DDX1: variants seen among roughly 807,000 people sequenced by gnomAD.
DDX1 encodes the protein ATP-dependent RNA helicase DDX1.
DDX1 carries 28 observed loss-of-function variants against 108.7 expected under a neutral mutation model. The ratio of observed to expected loss-of-function variants is 0.26; its 90% CI spans 0.19 to 0.35. The LOEUF (loss-of-function observed/expected upper bound fraction) is 0.35. Ranked by LOEUF, DDX1 falls within the 10% of genes least tolerant of loss-of-function variation. The probability of loss-of-function intolerance (pLI) is 1.00; values close to 1 mark genes in which losing one functional copy is unlikely to be tolerated. For synonymous variants in DDX1, 295 were observed against 288.9 expected, an observed-to-expected ratio of 1.02 and a Z score of -0.21; for missense variants, 710 against 884.5, an observed-to-expected ratio of 0.80 and a Z score of 2.50.
intron 25 of DDX1, 51 bp from the exon 26 acceptor site, chr2:15,630,725 G>A (rs1297866934): frequency 1.3e-6 from 2 of 1,577,776 alleles, no homozygotes; most frequent in Admixed American, 1.7e-5. Flanking sequence ...TTGCTGACAA[G>A]TTATTTCAAG....
intron 15 of DDX1, 105 bp from the exon 16 acceptor site, chr2:15,618,076 C>A: frequency 1.7e-6 from 1 of 595,920 alleles, no homozygotes; most frequent in South Asian, 3.0e-5. Context: ...AATTAGTTTC[C>A]TTATATTTTG....
intron 16 of DDX1, among the ~76,000 whole-genome samples, chr2:15,619,231 G>T (rs1414420853): frequency 6.6e-6 from 1 of 152,226 alleles, no homozygotes; most frequent in Non-Finnish European, 1.5e-5. Context: ...GGCTCCCAGG[G>T]CAGTGGGCTC....
chr2:15,612,160 T>C (rs113087008), intron 13 of DDX1, among the ~76,000 whole-genome samples: 8 of 136,432 alleles, frequency 5.9e-5, no homozygotes, highest in South Asian at 5.2e-4. Flanking sequence ...ACCTCCCTCC[T>C]GGACGGGGCG....
chr2:15,612,770 C>A (rs1046032998), intron 13 of DDX1, among the ~76,000 whole-genome samples: 12 of 152,328 alleles, frequency 7.9e-5, no homozygotes, highest in African/African-American at 2.6e-4. Flanking sequence ...CTCGGGAGGC[C>A]GAGGCTGGCG....
chr2:15,602,358 G>A (rs1487577629), intron 6 of DDX1, among the ~76,000 whole-genome samples, 190 bp from the exon 7 acceptor site: 1 of 152,176 alleles, frequency 6.6e-6, no homozygotes, highest in Non-Finnish European at 1.5e-5. Flanking sequence ...GAATGAAATG[G>A]TTAATTACAC....
chr2:15,612,981 T>C (rs1159676148), intron 13 of DDX1, among the ~76,000 whole-genome samples: 1 of 149,474 alleles, frequency 6.7e-6, no homozygotes, highest in African/African-American at 2.5e-5. Context: ...CGGCTCGGTA[T>C]CAGAGGGAGA....
chr2:15,617,663 T>C (rs1448699131), intron 15 of DDX1, among the ~76,000 whole-genome samples: 3 of 152,206 alleles, frequency 2.0e-5, no homozygotes, highest in Non-Finnish European at 2.9e-5. Context: ...TATTTCTAGG[T>C]ATGTAGGCAG....
chr2:15,625,001 A>G (rs1199969827), intron 19 of DDX1, among the ~76,000 whole-genome samples: 1 of 152,190 alleles, frequency 6.6e-6, no homozygotes. Context: ...AAAAGATGCT[A>G]GAATGGCCAT....
rs1407689649 is a variant in DDX1, at chr2:15,618,164, C to T, written c.1117-17C>T. 1 of 1,458,090 alleles carries T rather than the reference C, an allele frequency of 6.9e-7. No homozygotes were observed. Among genetic ancestry groups the T allele is most frequent in the African/African-American group, 1.4e-5 (1 of 71,452 alleles). The allele number at this position is 1,458,090 out of a possible 1,614,324, so 90.3% of individuals were successfully genotyped here. The stretch of plus-strand genomic sequence containing the variant: ...ATACTGATTAAAAACTTAATTTATT[C>T]TTTGTTTCTCATGCAGGATGGGCTT... On this transcript the variant is annotated splice_polypyrimidine_tract_variant and intron_variant, in intron 15 of 25. Transcript: ENST00000233084.
At chr2:15,593,455 T>C (rs905775661) in intron 1 of DDX1, among the ~76,000 whole-genome samples, 2 of 152,226 alleles carry the variant, frequency 1.3e-5, no homozygotes, top group African/African-American at 4.8e-5. Flanking sequence ...CGAATGTTTC[T>C]AATTTTTCCT....
intron 13 of DDX1, among the ~76,000 whole-genome samples, chr2:15,612,142 C>T (rs1391485139): frequency 7.5e-6 from 1 of 133,336 alleles, no homozygotes; most frequent in Admixed American, 7.3e-5. Context: ...GGGGGGCTGA[C>T]CCCCCCCACC....
chr2:15,596,340 G>A (rs1375271223), intron 3 of DDX1, among the ~76,000 whole-genome samples: 1 of 152,192 alleles, frequency 6.6e-6, no homozygotes, highest in African/African-American at 2.4e-5. Flanking sequence ...ATTGTAGAGA[G>A]ATAATGGGTC....
At chr2:15,618,486 G>T (rs537756270) in intron 16 of DDX1, among the ~76,000 whole-genome samples, 12 of 152,190 alleles carry the variant, frequency 7.9e-5, no homozygotes, top group Non-Finnish European at 1.6e-4. Flanking sequence ...TGAGCCAGGC[G>T]CGGAGTGGTG....
chr2:15,592,037 A>C (rs1490340083), intron 1 of DDX1, 88 bp downstream of exon 1: 4 of 1,229,562 alleles, frequency 3.3e-6, no homozygotes, highest in Non-Finnish European at 4.3e-6. Context: ...AAGGGGCGGG[A>C]GCGGACAGGG....
intron 1 of DDX1, among the ~76,000 whole-genome samples, 183 bp downstream of exon 1, chr2:15,592,132 G>C (rs376403858): frequency 6.6e-6 from 1 of 152,236 alleles, no homozygotes; most frequent in East Asian, 1.9e-4. Flanking sequence ...CTCGGGTTCG[G>C]AGGACGATTC....
intron 13 of DDX1, among the ~76,000 whole-genome samples, chr2:15,611,740 T>C (rs1665766544): frequency 1.0e-5 from 1 of 96,042 alleles, no homozygotes; most frequent in Non-Finnish European, 2.0e-5. Context: ...GGCGGGGGGC[T>C]GACCCCCCCA....
chr2:15,603,135 T>A (rs1042385219), intron 7 of DDX1, 57 bp from the exon 8 acceptor site: 3 of 1,186,876 alleles, frequency 2.5e-6, no homozygotes, highest in Middle Eastern at 1.9e-4. Context: ...GATGACTTCA[T>A]GGTAAATGAA....
intron 18 of DDX1, 90 bp downstream of exon 18, chr2:15,621,206 A>G (rs2148747845): frequency 3.5e-6 from 3 of 856,066 alleles, no homozygotes; most frequent in Non-Finnish European, 5.6e-6. Context: ...GTGACCTGCA[A>G]AATTAAAACA....
At chr2:15,610,185 G>A (rs1055687853) in intron 13 of DDX1, among the ~76,000 whole-genome samples, 7 of 152,172 alleles carry the variant, frequency 4.6e-5, no homozygotes, top group African/African-American at 1.4e-4. Flanking sequence ...TTGTGTCTCC[G>A]CCTCCGAAAG....
Sources: gnomAD v4.1 joint callset for allele counts (sites outside exome capture counted in the v4.1 genomes callset) on GRCh38, gnomAD v4.1.1 for gene constraint, MANE v1.5 for transcripts, NCBI Gene and HGNC (gene_info 2026-07-23, HGNC 2026-07-21) for gene names.